MLF2: variants seen among roughly 807,000 people sequenced by gnomAD.
MLF2 encodes myelodysplasia-myeloid leukemia factor 2.
MLF2 carries 12 observed loss-of-function variants against 31.4 expected under a neutral mutation model. That is an observed-to-expected ratio of 0.38 (90% CI 0.24 to 0.62). The LOEUF (loss-of-function observed/expected upper bound fraction) is 0.62, where lower values mean the gene tolerates loss of function less well. MLF2 is among the 20% of genes least tolerant of loss of function. MLF2 has a pLI of 0.58. For synonymous variants in MLF2, 109 were observed against 118.8 expected (o/e 0.92, Z 0.54); for missense variants, 272 against 359.7 (o/e 0.76, Z 1.97).
At chr12:6,751,381 C>T (rs920400946) in intron 4 of MLF2, among the ~76,000 whole-genome samples, 6 of 151,892 alleles carry the variant, frequency 4.0e-5, no homozygotes, top group African/African-American at 9.7e-5. Context: ...TTAGTAGAGA[C>T]GGGGTTTCAC....
rs369561492 is a variant in MLF2 at position 6,750,126 on chromosome 12, C to A, written c.399+51G>T. On this transcript the variant is annotated intron_variant, in intron 6 of 8. Transcript: ENST00000203630. This position sits in a 1 kb window ranked among gnomAD's most constrained non-coding sequence, Gnocchi z 5.3. Reference sequence around the variant, plus strand: ...GGAAAAAAGCAGCCAGGGTTTCTGGCGGTGCCGCTCAATCCTACCTTCTCT... The same window carrying A: ...GGAAAAAAGCAGCCAGGGTTTCTGGAGGTGCCGCTCAATCCTACCTTCTCT... 1 of 1,613,098 alleles carries A rather than the reference C, an allele frequency of 6.2e-7. No individual in the cohort carries two copies. Among genetic ancestry groups the A allele is most frequent in the South Asian group, 1.1e-5 (1 of 90,948 alleles).
Position 6,752,687 on chromosome 12 carries a change from A to C in MLF2, c.-29+252T>G. 4.5e-6 allele frequency: 1 copy of C among 222,006 alleles called. No individual in the cohort carries two copies. Among genetic ancestry groups the C allele is most frequent in the Non-Finnish European group, 9.0e-6 (1 of 110,702 alleles). The allele number at this position is 222,006 out of a possible 1,614,324, so 13.8% of individuals were successfully genotyped here. On this transcript the variant is annotated intron_variant, in intron 1 of 8. Transcript: ENST00000203630. The surrounding 1 kb of genome is among the most constrained non-coding windows in gnomAD (Gnocchi z 4.6). ...CGACACCGTTCTAGATGAGAATGCC[A>C]AGTGCAGGTCCTCCGCCCCATTAAT...
At position 6,750,516 on chromosome 12, in the gene MLF2, T is replaced by G. The variant is rs1941597766; in HGVS notation, c.270+197A>C. On this transcript the variant is annotated intron_variant, in intron 5 of 8. Coordinates refer to ENST00000203630, the MANE Select transcript of MLF2 (RefSeq NM_001382226.1). The surrounding 1 kb of genome is among the most constrained non-coding windows in gnomAD (Gnocchi z 5.3). The stretch of plus-strand genomic sequence containing the variant: ...AAGAGACAGGGCCTTAATTGTATGC[T>G]ACGTAAGAGAGCTGCTGCCGGCTGC... 1.1e-6 allele frequency: 1 copy of G among 878,880 alleles called. No individual in the cohort carries two copies. The highest frequency in any genetic ancestry group is 1.7e-6 in the Non-Finnish European group (1 of 574,862). 54.4% of individuals were successfully genotyped at this position (878,880 alleles called of 1,614,324 possible).
Position 6,750,308 on chromosome 12 carries a change from G to A in MLF2, c.271-3C>T, listed in dbSNP as rs748514179. ...TTGCCTCCAGCTGTCATGTGTTCCT[G>A]AGGACAGGGTAGGTAGGGGAGGGCT... On this transcript the variant is annotated splice_region_variant and splice_polypyrimidine_tract_variant and intron_variant, in intron 5 of 8. Coordinates refer to ENST00000203630, the MANE Select transcript of MLF2 (RefSeq NM_001382226.1). This position sits in a 1 kb window ranked among gnomAD's most constrained non-coding sequence, Gnocchi z 5.3. The A allele has an allele frequency of 1.9e-6, 3 of 1,613,970 alleles. No individual in the cohort carries two copies. The Admixed American group carries it at 5.0e-5, about 27-fold the overall frequency.
In MLF2 at chr12:6,749,073, G is replaced by A. The variant is rs11064363; in HGVS notation, c.560-91C>T. On this transcript the variant is annotated intron_variant, in intron 7 of 8. Coordinates refer to ENST00000203630, the MANE Select transcript of MLF2 (RefSeq NM_001382226.1). The surrounding 1 kb of genome is among the most constrained non-coding windows in gnomAD (Gnocchi z 5.3). ...GAGCCACAGCTTTTCGGGCCAAAGC[G>A]GCGAAGGCTGAGTGTGCGTGCAGGG... 7.2e-3 allele frequency: 9,861 copies of A among 1,361,182 alleles called. 248 individuals are homozygous for A. The African/African-American group carries it at 0.075, about 10-fold the overall frequency. The allele number at this position is 1,361,182 out of a possible 1,614,324, so 84.3% of individuals were successfully genotyped here.
Position 6,748,078 on chromosome 12 carries a change from G to A in MLF2, c.*495C>T, listed in dbSNP as rs1941552686. ...AAAATAAAGGCAGAGAAGGGTGTAGGGAAGATTCTTTTGATGTGTGTGGGC... is the reference window on the plus strand; with the variant it reads ...AAAATAAAGGCAGAGAAGGGTGTAGAGAAGATTCTTTTGATGTGTGTGGGC... On this transcript the variant is annotated 3_prime_UTR_variant, in exon 9 of 9. Coordinates refer to ENST00000203630, the MANE Select transcript of MLF2 (RefSeq NM_001382226.1). The surrounding 1 kb of genome is among the most constrained non-coding windows in gnomAD (Gnocchi z 4.6). 6.6e-6 allele frequency: 1 copy of A among 152,278 alleles called. No homozygotes were observed. Among genetic ancestry groups the A allele is most frequent in the African/African-American group, 2.4e-5 (1 of 41,446 alleles). The allele number at this position is 152,278 out of a possible 1,614,324, so 9.4% of individuals were successfully genotyped here. A position where few individuals can be genotyped will look rare whatever the true frequency, so the allele number is the denominator to read the frequency against.
At position 6,752,228 on chromosome 12, in the gene MLF2, T is replaced by C. The variant is rs1941627296; in HGVS notation, c.50+57A>G. On this transcript the variant is annotated intron_variant, in intron 2 of 8. Coordinates refer to ENST00000203630, the MANE Select transcript of MLF2 (RefSeq NM_001382226.1). This position sits in a 1 kb window ranked among gnomAD's most constrained non-coding sequence, Gnocchi z 4.6. ...TCCTAGCAATGGGAACCCCGATGTC[T>C]GCCTGAACTGCTCAGAGACCTGGAG... 1 of 1,549,754 alleles carries C rather than the reference T, an allele frequency of 6.5e-7. No individual in the cohort carries two copies.
Position 6,752,426 on chromosome 12 carries a change from G to T in MLF2, c.-28-64C>A. The T allele has an allele frequency of 7.5e-7, 1 of 1,339,088 alleles. No individual in the cohort carries two copies. Among genetic ancestry groups the T allele is most frequent in the Non-Finnish European group, 1.0e-6 (1 of 959,958 alleles). 83.0% of individuals were successfully genotyped at this position (1,339,088 alleles called of 1,614,324 possible). ...AGGGTTTTGCACACCCACTCAGTGT[G>T]GGGACTCTCAGAGCACTGTCCTTTC... is the stretch of plus-strand genomic sequence containing the variant. On this transcript the variant is annotated intron_variant, in intron 1 of 8. Coordinates refer to ENST00000203630, the MANE Select transcript of MLF2 (RefSeq NM_001382226.1). This position sits in a 1 kb window ranked among gnomAD's most constrained non-coding sequence, Gnocchi z 4.6.
intron 4 of MLF2, chr12:6,751,080 A>G (rs1169556626): frequency 1.1e-5 from 4 of 361,714 alleles, no homozygotes; most frequent in Non-Finnish European, 2.1e-5. Flanking sequence ...AAGGCATGAA[A>G]TTGTTAAAAC....
Position 6,750,421 on chromosome 12 carries a change from G to A in MLF2, c.271-116C>T. On this transcript the variant is annotated intron_variant, in intron 5 of 8. Coordinates refer to ENST00000203630, the MANE Select transcript of MLF2 (RefSeq NM_001382226.1). This position sits in a 1 kb window ranked among gnomAD's most constrained non-coding sequence, Gnocchi z 5.3. Reference sequence around the variant, plus strand: ...ATCTTTCTCACAAAATGCAAGAACTGAAAAAACATCAGGCCTCATCATTAC... The same window carrying A: ...ATCTTTCTCACAAAATGCAAGAACTAAAAAAACATCAGGCCTCATCATTAC... 7.2e-7 allele frequency: 1 copy of A among 1,379,776 alleles called. No individual in the cohort carries two copies. The highest frequency in any genetic ancestry group is 2.2e-5 in the Admixed American group (1 of 44,532). The allele number at this position is 1,379,776 out of a possible 1,614,324, so 85.5% of individuals were successfully genotyped here.
Position 6,752,569 on chromosome 12 carries a change from T to G in MLF2, c.-28-207A>C. Reference sequence around the variant, plus strand: ...TTTCTCAATTAGGGCCATGGAAAATTTTTCCAACCCTCTCGGTTTTTCCCT... The same window carrying G: ...TTTCTCAATTAGGGCCATGGAAAATGTTTCCAACCCTCTCGGTTTTTCCCT... On this transcript the variant is annotated intron_variant, in intron 1 of 8. Transcript: ENST00000203630. This position sits in a 1 kb window ranked among gnomAD's most constrained non-coding sequence, Gnocchi z 4.6. 1 of 487,380 alleles carries G rather than the reference T, an allele frequency of 2.1e-6. No homozygotes were observed. The highest frequency in any genetic ancestry group is 3.7e-6 in the Non-Finnish European group (1 of 272,848). The allele number at this position is 487,380 out of a possible 1,614,324, so 30.2% of individuals were successfully genotyped here.
chr12:6,751,993 T>C lies in MLF2; in HGVS notation c.112A>G (p.Ser38Gly). The change falls in exon 3 of 9, where the codon AGC (serine) becomes GGC (glycine). Residue 38 changes from serine (S) to glycine (G), a missense_variant. Coordinates refer to ENST00000203630, the MANE Select transcript of MLF2 (RefSeq NM_001382226.1). ...SRMLSGGFGYSPFLSITDGNM... is the reference protein window; with the variant it reads ...SRMLSGGFGYGPFLSITDGNM... ...CCATCTGTGATGCTGAGGAAGGGGCTATATCCAAAGCCACCTGACAACATA... is the reference window on the plus strand; with the variant it reads ...CCATCTGTGATGCTGAGGAAGGGGCCATATCCAAAGCCACCTGACAACATA... 1 of 1,614,222 alleles carries C rather than the reference T, an allele frequency of 6.2e-7. No individual in the cohort carries two copies. The highest frequency in any genetic ancestry group is 8.5e-7 in the Non-Finnish European group (1 of 1,180,040).
At chr12:6,751,734 C>G in intron 3 of MLF2, 58 bp from the exon 4 acceptor site, 1 of 1,604,218 alleles carries the variant, frequency 6.2e-7, no homozygotes, top group South Asian at 1.1e-5. Flanking sequence ...TTTACAATCC[C>G]AAACCAGGCC....
intron 4 of MLF2, 152 bp downstream of exon 4, chr12:6,751,489 G>A (rs909444307): frequency 1.1e-6 from 1 of 899,130 alleles, no homozygotes. Context: ...AGGGCTCCTA[G>A]TACCCAACAG....
chr12:6,749,765 G>T lies in MLF2; in HGVS notation c.559+83C>A. ...GAATATGGGGCTGACCCAGAGCTTTGCCCCAGAAGTGTCTATGTGTTAGGG... is the reference window on the plus strand; with the variant it reads ...GAATATGGGGCTGACCCAGAGCTTTTCCCCAGAAGTGTCTATGTGTTAGGG... On this transcript the variant is annotated intron_variant, in intron 7 of 8. Transcript: ENST00000203630. This position sits in a 1 kb window ranked among gnomAD's most constrained non-coding sequence, Gnocchi z 5.3. 1.3e-6 allele frequency: 2 copies of T among 1,505,086 alleles called. No individual in the cohort carries two copies. Among genetic ancestry groups the T allele is most frequent in the Non-Finnish European group, 1.8e-6 (2 of 1,096,844 alleles). The allele number at this position is 1,505,086 out of a possible 1,614,324, so 93.2% of individuals were successfully genotyped here.
rs573102076 is a variant in MLF2 at position 6,749,777 on chromosome 12, T to A, written c.559+71A>T. ...GACCCAGAGCTTTGCCCCAGAAGTG[T>A]CTATGTGTTAGGGATGTCCACGGGA... On this transcript the variant is annotated intron_variant, in intron 7 of 8. Transcript: ENST00000203630. The surrounding 1 kb of genome is among the most constrained non-coding windows in gnomAD (Gnocchi z 5.3). 3.0e-4 allele frequency: 475 copies of A among 1,574,246 alleles called. 2 individuals are homozygous for A. The African/African-American group carries it at 5.4e-3, about 18-fold the overall frequency.
At position 6,750,419 on chromosome 12, in the gene MLF2, C is replaced by A; in HGVS notation, c.271-114G>T. On this transcript the variant is annotated intron_variant, in intron 5 of 8. Coordinates refer to ENST00000203630, the MANE Select transcript of MLF2 (RefSeq NM_001382226.1). This position sits in a 1 kb window ranked among gnomAD's most constrained non-coding sequence, Gnocchi z 5.3. The stretch of plus-strand genomic sequence containing the variant: ...GTATCTTTCTCACAAAATGCAAGAA[C>A]TGAAAAAACATCAGGCCTCATCATT... 1.4e-6 allele frequency: 2 copies of A among 1,391,162 alleles called. No individual in the cohort carries two copies. The highest frequency in any genetic ancestry group is 2.2e-5 in the Admixed American group (1 of 44,860). 86.2% of individuals were successfully genotyped at this position (1,391,162 alleles called of 1,614,324 possible).
chr12:6,752,465 T>G lies in MLF2; in HGVS notation c.-28-103A>C, dbSNP rs569487915. On this transcript the variant is annotated intron_variant, in intron 1 of 8. Coordinates refer to ENST00000203630, the MANE Select transcript of MLF2 (RefSeq NM_001382226.1). The surrounding 1 kb of genome is among the most constrained non-coding windows in gnomAD (Gnocchi z 4.6). ...CACTGTCCTTTCCAAATCCTGTAACTGACCCCCTAAACTCCAGGGAGACCC... is the reference window on the plus strand; with the variant it reads ...CACTGTCCTTTCCAAATCCTGTAACGGACCCCCTAAACTCCAGGGAGACCC... 8.5e-6 allele frequency: 8 copies of G among 943,064 alleles called. No individual in the cohort carries two copies. The highest frequency in any genetic ancestry group is 3.0e-4 in the Middle Eastern group (1 of 3,312). The allele number at this position is 943,064 out of a possible 1,614,324, so 58.4% of individuals were successfully genotyped here.
rs1207256965 is a variant in MLF2, at chr12:6,749,537, A to G, written c.559+311T>C. On this transcript the variant is annotated intron_variant, in intron 7 of 8. Coordinates refer to ENST00000203630, the MANE Select transcript of MLF2 (RefSeq NM_001382226.1). This position sits in a 1 kb window ranked among gnomAD's most constrained non-coding sequence, Gnocchi z 5.3. ...CGAGAACGGCCTGCCCAACATGGTG[A>G]AACCCTGTCTCTACTAAAAATACAG... Among the ~76,000 whole-genome samples, 1 of 152,222 alleles carries G rather than the reference A, an allele frequency of 6.6e-6. No homozygotes were observed. The highest frequency in any genetic ancestry group is 1.5e-5 in the Non-Finnish European group (1 of 68,036).
Sources: allele counts gnomAD v4.1 joint callset (sites outside exome capture counted in the v4.1 genomes callset), GRCh38; gene constraint gnomAD v4.1.1; non-coding constraint Gnocchi (gnomAD v3.1); transcripts MANE v1.5; gene names NCBI Gene and HGNC (gene_info 2026-07-23, HGNC 2026-07-21).